RIMS2: variants seen among roughly 807,000 people sequenced by gnomAD.
The protein encoded by RIMS2 is regulating synaptic membrane exocytosis protein 2.
RIMS2 carries 59 observed loss-of-function variants against 174.4 expected under a neutral mutation model. The observed-to-expected ratio is 0.34, with a 90% CI of 0.27 to 0.42. The LOEUF (loss-of-function observed/expected upper bound fraction) is 0.42, where lower values mean the gene tolerates loss of function less well. Among genes scored for constraint, RIMS2 ranks in the 10% least tolerant of loss-of-function variants. The pLI is 1.00. For missense variants in RIMS2, 1,620 were observed against 1,666.3 expected (o/e 0.97, Z 0.48); for synonymous variants, 606 against 572.5 (o/e 1.06, Z -0.84).
chr8:103,732,769 C>T (rs940315992), intron 2 of RIMS2, among the ~76,000 whole-genome samples: 1 of 152,158 alleles, frequency 6.6e-6, no homozygotes, highest in African/African-American at 2.4e-5. Context: ...GATGTTTGCT[C>T]AAGTACCAAG....
intron 19 of RIMS2, among the ~76,000 whole-genome samples, chr8:104,229,000 G>A (rs1189437199): frequency 6.6e-6 from 1 of 152,148 alleles, no homozygotes; most frequent in African/African-American, 2.4e-5. Flanking sequence ...TCACCACCAT[G>A]TGTCCAAATA....
chr8:103,943,210 G>C (rs989084915), intron 14 of RIMS2, among the ~76,000 whole-genome samples: 2 of 152,172 alleles, frequency 1.3e-5, no homozygotes, highest in Non-Finnish European at 1.5e-5. Context: ...TTAAATCTTA[G>C]TGCTTAGAAT....
At chr8:103,648,571 A>G (rs1303639004) in intron 1 of RIMS2, among the ~76,000 whole-genome samples, 1 of 152,000 alleles carries the variant, frequency 6.6e-6, no homozygotes, top group East Asian at 1.9e-4. Flanking sequence ...ATTGTTTGGG[A>G]ATTTTAAGTC....
intron 1 of RIMS2, among the ~76,000 whole-genome samples, chr8:103,569,675 G>C (rs573024184): frequency 6.6e-6 from 1 of 151,784 alleles, no homozygotes; most frequent in Non-Finnish European, 1.5e-5. Flanking sequence ...GAATATAGTG[G>C]TGTTGATTTC....
At chr8:104,250,942 TA>T in intron 22 of RIMS2, 81 bp from the exon 29 acceptor site, 1 of 1,245,392 alleles carries the variant, frequency 8.0e-7, no homozygotes, top group Non-Finnish European at 1.1e-6. Context: ...CAAAGATTAC[TA>T]AACTGGTAAA....
At chr8:104,168,050 G>A (rs192606747) in intron 19 of RIMS2, among the ~76,000 whole-genome samples, 17 of 152,222 alleles carry the variant, frequency 1.1e-4, no homozygotes, top group Admixed American at 1.0e-3. Flanking sequence ...CCAGTAACAT[G>A]TTGTTTTGGT....
chr8:103,712,547 G>A (rs1400205138), intron 2 of RIMS2, among the ~76,000 whole-genome samples: 1 of 152,108 alleles, frequency 6.6e-6, no homozygotes, highest in East Asian at 1.9e-4. Context: ...CTCCTTATCA[G>A]TAGATAAGGT....
chr8:104,037,700 G>A (rs2096543562), intron 19 of RIMS2, among the ~76,000 whole-genome samples: 1 of 152,060 alleles, frequency 6.6e-6, no homozygotes, highest in Non-Finnish European at 1.5e-5. Flanking sequence ...AGAATTCTTA[G>A]TTTGCACAAA....
At chr8:104,067,386 C>A (rs748004179) in intron 19 of RIMS2, among the ~76,000 whole-genome samples, 20 of 152,132 alleles carry the variant, frequency 1.3e-4, no homozygotes, top group Non-Finnish European at 2.4e-4. Flanking sequence ...TATAACTTTC[C>A]TTTAAAAATG....
chr8:103,902,352 G>A (rs749125309), intron 4 of RIMS2, among the ~76,000 whole-genome samples: 5 of 152,162 alleles, frequency 3.3e-5, no homozygotes, highest in Non-Finnish European at 4.4e-5. Context: ...ATGGGAGTAA[G>A]ATCCCATCAC....
At chr8:103,846,967 C>T (rs2098971071) in intron 3 of RIMS2, among the ~76,000 whole-genome samples, 1 of 152,098 alleles carries the variant, frequency 6.6e-6, no homozygotes, top group South Asian at 2.1e-4. Context: ...ACCTGAATGT[C>T]AAACATATCC....
At chr8:103,545,322 A>G (rs2131378079) in intron 1 of RIMS2, among the ~76,000 whole-genome samples, 1 of 152,302 alleles carries the variant, frequency 6.6e-6, no homozygotes, top group East Asian at 1.9e-4. Flanking sequence ...AAGAAATTAA[A>G]AACAAAAAAA....
intron 2 of RIMS2, among the ~76,000 whole-genome samples, chr8:103,732,299 G>C (rs1222834699): frequency 6.6e-6 from 1 of 152,172 alleles, no homozygotes; most frequent in African/African-American, 2.4e-5. Flanking sequence ...CAAAGAAATG[G>C]AGCCTCTCTT....
intron 3 of RIMS2, among the ~76,000 whole-genome samples, chr8:103,804,026 A>T (rs3110466): frequency 0.84 from 128,093 of 152,202 alleles, 54,394 homozygotes; most frequent in African/African-American, 0.96. Flanking sequence ...AACTGCAAGA[A>T]AATAAATATA....
At chr8:103,886,433 A>AT (rs920990529) in intron 4 of RIMS2, among the ~76,000 whole-genome samples, 2 of 151,924 alleles carry the variant, frequency 1.3e-5, no homozygotes, top group African/African-American at 4.8e-5. Flanking sequence ...TGTTCTATTG[A>AT]TTTTTAAAAA....
At chr8:103,816,547 G>C (rs897849252) in intron 3 of RIMS2, among the ~76,000 whole-genome samples, 1 of 152,110 alleles carries the variant, frequency 6.6e-6, no homozygotes, top group Non-Finnish European at 1.5e-5. Context: ...ATAAGCACAG[G>C]GTATAATGAG....
rs560789310 is a variant in RIMS2, at chr8:103,925,960, C to G, written c.2197-1882C>G. ...TCAACGCAAAAATATATTTTTATAG[C>G]CATATTTAAAATATAAACTCATGGG... is the stretch of plus-strand genomic sequence containing the variant. On this transcript the variant is annotated intron_variant, in intron 10 of 23. Coordinates refer to ENST00000504942, the Ensembl canonical transcript of RIMS2. Among the ~76,000 whole-genome samples the G allele has an allele frequency of 1.2e-4, 18 of 151,488 alleles. No individual in the cohort carries two copies. The South Asian group carries it at 3.7e-3, about 31-fold the overall frequency.
At chr8:104,211,076 T>C (rs2099103197) in intron 19 of RIMS2, among the ~76,000 whole-genome samples, 1 of 152,206 alleles carries the variant, frequency 6.6e-6, no homozygotes, top group Admixed American at 6.6e-5. Context: ...AAATCTAATT[T>C]ATTTTATTAC....
chr8:103,638,522 G>A (rs936336564), intron 1 of RIMS2, among the ~76,000 whole-genome samples: 3 of 151,870 alleles, frequency 2.0e-5, no homozygotes, highest in Admixed American at 2.0e-4. Flanking sequence ...ATTTCTTGAG[G>A]GAGCATTATA....
Sources: allele counts gnomAD v4.1 joint callset (sites outside exome capture counted in the v4.1 genomes callset), GRCh38; gene constraint gnomAD v4.1.1; transcripts MANE v1.5; gene names NCBI Gene and HGNC (gene_info 2026-07-23, HGNC 2026-07-21).